Variants in DBF4 observed in about 807,000 individuals in gnomAD.
DBF4 encodes the protein protein DBF4 homolog A.
Under a neutral mutation model 76.6 loss-of-function variants are expected in DBF4, and 25 were observed. That is an observed-to-expected ratio of 0.33 (90% confidence interval 0.24 to 0.46). The LOEUF (loss-of-function observed/expected upper bound fraction) is 0.46. Ranked by LOEUF, DBF4 falls within the 20% of genes least tolerant of loss-of-function variation. The probability of loss-of-function intolerance (pLI) is 1.00; values close to 1 mark genes in which losing one functional copy is unlikely to be tolerated. For missense variants in DBF4, 638 were observed against 760.8 expected, an observed-to-expected ratio of 0.84 and a Z score of 1.90; for synonymous variants, 213 against 258.0, an observed-to-expected ratio of 0.83 and a Z score of 1.67.
intron 11 of DBF4, among the ~76,000 whole-genome samples, chr7:87,906,584 A>G (rs138545787): frequency 7.0e-4 from 107 of 152,254 alleles, no homozygotes; most frequent in Non-Finnish European, 1.3e-3. Flanking sequence ...CATGAAGAAA[A>G]TAATTTTAGG....
In DBF4 at chr7:87,878,541, G is replaced by A. The variant is rs536308518; in HGVS notation, c.219+316G>A. On this transcript the variant is annotated intron_variant, in intron 2 of 11. Transcript: ENST00000265728. ...CAGATAACAGCAATTTCTTGATTAT[G>A]AATCTTGGGGAGCTACATAAGTTTG... The A allele has an allele frequency of 4.9e-5, 10 of 202,316 alleles. No individual in the cohort carries two copies. The South Asian group carries it at 1.6e-3, about 31-fold the overall frequency. 12.5% of individuals were successfully genotyped at this position (202,316 alleles called of 1,614,324 possible). A position where few individuals can be genotyped will look rare whatever the true frequency, so the allele number is the denominator to read the frequency against.
Position 87,878,163 on chromosome 7 carries a change from C to T in DBF4, c.157C>T (p.Leu53Phe), listed in dbSNP as rs1839117407. 6.2e-7 allele frequency: 1 copy of T among 1,613,264 alleles called. No homozygotes were observed. Residue 53 changes from leucine (L) to phenylalanine (F), a missense_variant, in exon 2 of 12, where the codon CTT (leucine) becomes TTT (phenylalanine). Coordinates refer to ENST00000265728, the MANE Select transcript of DBF4 (RefSeq NM_006716.4). ...GCCACTTTGGGGAAAAGTATTTTAC[C>T]TTGACTTACCTTCTGTCACCATATC... Reference protein sequence around the residue: ...CKPLWGKVFYLDLPSVTISEK... With the variant: ...CKPLWGKVFYFDLPSVTISEK...
At chr7:87,878,291 C>A in intron 2 of DBF4, 66 bp downstream of exon 2, 1 of 1,286,884 alleles carries the variant, frequency 7.8e-7, no homozygotes, top group Non-Finnish European at 1.1e-6. Flanking sequence ...ACTGTGTAAT[C>A]ATTTAAATTT....
intron 1 of DBF4, among the ~76,000 whole-genome samples, chr7:87,877,846 C>T (rs1196458878): frequency 6.6e-6 from 1 of 152,176 alleles, no homozygotes; most frequent in Non-Finnish European, 1.5e-5. Flanking sequence ...GCTGAGTCAA[C>T]TATTATTTTA....
At chr7:87,882,551 T>C (rs1839242601) in intron 2 of DBF4, among the ~76,000 whole-genome samples, 1 of 152,340 alleles carries the variant, frequency 6.6e-6, no homozygotes, top group Admixed American at 6.5e-5. Flanking sequence ...AGGAAATCTT[T>C]GCAAATTGTA....
Position 87,907,405 on chromosome 7 carries a change from T to C in DBF4, c.1267T>C (p.Leu423=). The change falls in exon 12 of 12, where the codon TTG becomes CTG. Residue 423 remains leucine (L), a synonymous_variant. Transcript: ENST00000265728. ...GCCCATCCCCCACCCTTCAAATGAATTGAGAGGGCTTAATGAGAAAATGAG... is the reference window on the plus strand; with the variant it reads ...GCCCATCCCCCACCCTTCAAATGAACTGAGAGGGCTTAATGAGAAAATGAG... ...SEPIPHPSNE[L]RGLNEKMSNK... 6.2e-7 allele frequency: 1 copy of C among 1,614,010 alleles called. No individual in the cohort carries two copies. The highest frequency in any genetic ancestry group is 8.5e-7 in the Non-Finnish European group (1 of 1,179,960).
intron 5 of DBF4, among the ~76,000 whole-genome samples, 181 bp downstream of exon 5, chr7:87,887,579 G>T (rs1466262962): frequency 6.6e-6 from 1 of 152,190 alleles, no homozygotes; most frequent in African/African-American, 2.4e-5. Context: ...ATTTCTTACA[G>T]TTATGGAGAC....
chr7:87,877,536 G>A (rs1839098401), intron 1 of DBF4, among the ~76,000 whole-genome samples: 1 of 152,140 alleles, frequency 6.6e-6, no homozygotes, highest in African/African-American at 2.4e-5. Flanking sequence ...TTCTTAATAC[G>A]TAGACAAATT....
In DBF4 at chr7:87,909,486, C is replaced by T. The variant is rs1049103897; in HGVS notation, c.*1323C>T. ...ATCAATGAACACTGGCTTTTTAACACCTTTGTTTTTCATACCAGTACCTGA... is the reference window on the plus strand; with the variant it reads ...ATCAATGAACACTGGCTTTTTAACATCTTTGTTTTTCATACCAGTACCTGA... On this transcript the variant is annotated 3_prime_UTR_variant, in exon 12 of 12. Coordinates refer to ENST00000265728, the MANE Select transcript of DBF4 (RefSeq NM_006716.4). 6 of 152,120 alleles carry T rather than the reference C, an allele frequency of 3.9e-5. No homozygotes were observed. Among genetic ancestry groups the T allele is most frequent in the Admixed American group, 1.3e-4 (2 of 15,274 alleles). 9.4% of individuals were successfully genotyped at this position (152,120 alleles called of 1,614,324 possible).
intron 1 of DBF4, among the ~76,000 whole-genome samples, 187 bp from the exon 2 acceptor site, chr7:87,877,866 G>A (rs1456084488): frequency 6.6e-6 from 1 of 152,178 alleles, no homozygotes; most frequent in Non-Finnish European, 1.5e-5. Flanking sequence ...ACAATATGCG[G>A]TCTGTGAAAG....
At chr7:87,882,768 A>G (rs985414802) in intron 2 of DBF4, among the ~76,000 whole-genome samples, 1 of 152,204 alleles carries the variant, frequency 6.6e-6, no homozygotes, top group Non-Finnish European at 1.5e-5. Flanking sequence ...ATCACTTAAC[A>G]CCTGTTAGGA....
In DBF4 at chr7:87,896,290, C is replaced by T. The variant is rs78548804; in HGVS notation, c.598-184C>T. ...GTCAAAATCAATTATAGCTAGAATGCAAGGTACTTGCTGAGTGTATTGTAA... is the reference window on the plus strand; with the variant it reads ...GTCAAAATCAATTATAGCTAGAATGTAAGGTACTTGCTGAGTGTATTGTAA... On this transcript the variant is annotated intron_variant, in intron 6 of 11. Coordinates refer to ENST00000265728, the MANE Select transcript of DBF4 (RefSeq NM_006716.4). 4.3e-5 allele frequency: 21 copies of T among 485,526 alleles called. No homozygotes were observed. The East Asian group carries it at 6.4e-4, about 15-fold the overall frequency. 30.1% of individuals were successfully genotyped at this position (485,526 alleles called of 1,614,324 possible). A position where few individuals can be genotyped will look rare whatever the true frequency, so the allele number is the denominator to read the frequency against.
rs1316646232 is a variant in DBF4, at chr7:87,908,783, T to C, written c.*620T>C. ...TAATTACTTACCTTGTAAATAACTT[T>C]AATAATATTCAAAAGTTGACTCTCC... On this transcript the variant is annotated 3_prime_UTR_variant, in exon 12 of 12. Coordinates refer to ENST00000265728, the MANE Select transcript of DBF4 (RefSeq NM_006716.4). 1 of 152,192 alleles carries C rather than the reference T, an allele frequency of 6.6e-6. No individual in the cohort carries two copies. Among genetic ancestry groups the C allele is most frequent in the Non-Finnish European group, 1.5e-5 (1 of 68,036 alleles). 9.4% of individuals were successfully genotyped at this position (152,192 alleles called of 1,614,324 possible). A position where few individuals can be genotyped will look rare whatever the true frequency, so the allele number is the denominator to read the frequency against.
chr7:87,893,403 G>A (rs1255075311), intron 6 of DBF4, among the ~76,000 whole-genome samples: 3 of 151,336 alleles, frequency 2.0e-5, no homozygotes, highest in African/African-American at 7.3e-5. Context: ...CCGCCACCGC[G>A]CCCGGCTAAT....
At chr7:87,898,381 G>A (rs947813286) in intron 8 of DBF4, among the ~76,000 whole-genome samples, 1 of 152,198 alleles carries the variant, frequency 6.6e-6, no homozygotes, top group Non-Finnish European at 1.5e-5. Flanking sequence ...GTGATCTACA[G>A]ATTCACTGCA....
At chr7:87,901,026 A>G (rs59797284) in intron 10 of DBF4, 148 bp downstream of exon 10, 2 of 660,822 alleles carry the variant, frequency 3.0e-6, no homozygotes, top group Non-Finnish European at 5.1e-6. Context: ...TTATTCAGCA[A>G]ATACTGAGCG....
At chr7:87,887,287 A>T in intron 4 of DBF4, 42 bp from the exon 5 acceptor site, 1 of 1,347,500 alleles carries the variant, frequency 7.4e-7, no homozygotes, top group Non-Finnish European at 1.0e-6. Flanking sequence ...AGCTCATCTT[A>T]AATAATTTCC....
intron 11 of DBF4, among the ~76,000 whole-genome samples, chr7:87,905,879 T>G (rs1316200829): frequency 6.6e-6 from 1 of 151,994 alleles, no homozygotes; most frequent in Non-Finnish European, 1.5e-5. Context: ...TGGGCTACTG[T>G]GCCCAGGCAG....
At chr7:87,878,816 G>A (rs1271551449) in intron 2 of DBF4, among the ~76,000 whole-genome samples, 1 of 152,186 alleles carries the variant, frequency 6.6e-6, no homozygotes, top group African/African-American at 2.4e-5. Context: ...CTGAATTTTG[G>A]CAAATGAGGT....
Sources: gnomAD v4.1 joint callset for allele counts (sites outside exome capture counted in the v4.1 genomes callset) on GRCh38, gnomAD v4.1.1 for gene constraint, MANE v1.5 for transcripts, NCBI Gene and HGNC (gene_info 2026-07-23, HGNC 2026-07-21) for gene names.